Variants in ZBTB7C observed in about 807,000 individuals in gnomAD.
ZBTB7C encodes zinc finger and BTB domain containing 7C.
Under a neutral mutation model 25.7 loss-of-function variants are expected in ZBTB7C, and 8 were observed. The ratio of observed to expected loss-of-function variants is 0.31; its 90% CI spans 0.18 to 0.56. The LOEUF is 0.56. Ranked by LOEUF, ZBTB7C falls within the 20% of genes least tolerant of loss-of-function variation. The pLI is 0.91. For synonymous variants in ZBTB7C, 394 were observed against 369.0 expected (o/e 1.07, Z -0.78); for missense variants, 824 against 855.2 (o/e 0.96, Z 0.46).
intron 1 of ZBTB7C, among the ~76,000 whole-genome samples, chr18:48,371,902 T>C (rs1338532443): frequency 1.3e-5 from 2 of 152,162 alleles, no homozygotes; most frequent in African/African-American, 4.8e-5. Flanking sequence ...CGCCAGCTGA[T>C]CACTCACTCC....
intron 1 of ZBTB7C, among the ~76,000 whole-genome samples, chr18:48,385,913 G>A (rs1454325529): frequency 1.3e-5 from 2 of 152,056 alleles, no homozygotes; most frequent in South Asian, 2.1e-4. Context: ...ATTCCATGAC[G>A]GGGAGATTCT....
intron 3 of ZBTB7C, among the ~76,000 whole-genome samples, chr18:48,184,741 G>A (rs576772341): frequency 4.6e-5 from 7 of 152,134 alleles, no homozygotes; most frequent in African/African-American, 7.2e-5. Flanking sequence ...GTGACTGTCC[G>A]CCAGGAGCTC....
At chr18:48,352,140 C>T (rs552398146) in intron 1 of ZBTB7C, among the ~76,000 whole-genome samples, 93 of 152,326 alleles carry the variant, frequency 6.1e-4, no homozygotes, top group African/African-American at 2.2e-3. Flanking sequence ...ACCCCATCCT[C>T]GCACCTTTGA....
rs554489635 is a variant in ZBTB7C, at chr18:48,212,974, C to G, written c.-78-26979G>C. 1.3e-3 allele frequency among the ~76,000 whole-genome samples: 201 copies of G among 152,312 alleles called. 1 individual carries two copies. Among genetic ancestry groups the G allele is most frequent in the Admixed American group, 3.7e-3 (57 of 15,310 alleles). On this transcript the variant is annotated intron_variant, in intron 2 of 4. Coordinates refer to ENST00000590800, the MANE Select transcript of ZBTB7C (RefSeq NM_001318841.2). ...CCTCAAACCCAAGTGCAGCCACGTA[C>G]AAGGTCTGGCTTAGACCCACAAAGG...
At chr18:48,254,646 A>G (rs975387663) in intron 2 of ZBTB7C, among the ~76,000 whole-genome samples, 6 of 152,072 alleles carry the variant, frequency 3.9e-5, no homozygotes, top group Non-Finnish European at 8.8e-5. Flanking sequence ...AACCCCATGT[A>G]TTTACCCCAG....
At chr18:48,326,415 G>T (rs1406375925) in intron 2 of ZBTB7C, among the ~76,000 whole-genome samples, 2 of 152,118 alleles carry the variant, frequency 1.3e-5, no homozygotes, top group African/African-American at 4.8e-5. Flanking sequence ...TTCTAAAAAA[G>T]ATTTGGGGTG....
At chr18:48,369,304 AT>A (rs1401819769) in intron 1 of ZBTB7C, among the ~76,000 whole-genome samples, 2 of 152,148 alleles carry the variant, frequency 1.3e-5, no homozygotes. Context: ...AAACTAAAAA[AT>A]ATATACATAA....
intron 2 of ZBTB7C, among the ~76,000 whole-genome samples, chr18:48,322,374 A>T (rs530741197): frequency 1.3e-5 from 2 of 152,230 alleles, no homozygotes; most frequent in East Asian, 3.9e-4. Context: ...CCCAGACCTC[A>T]CCACCAAATG....
intron 2 of ZBTB7C, among the ~76,000 whole-genome samples, chr18:48,286,686 T>C (rs1010631887): frequency 6.6e-6 from 1 of 152,226 alleles, no homozygotes; most frequent in Admixed American, 6.5e-5. Flanking sequence ...TTTTAAATTT[T>C]GGGCTTTGAA....
chr18:48,392,775 A>C (rs1216274755), intron 1 of ZBTB7C, among the ~76,000 whole-genome samples: 2 of 152,146 alleles, frequency 1.3e-5, no homozygotes, highest in Non-Finnish European at 2.9e-5. Flanking sequence ...GAAACCTATA[A>C]AGGAGAAAAA....
chr18:48,134,289 C>T (rs1178502199), intron 3 of ZBTB7C, among the ~76,000 whole-genome samples: 2 of 152,026 alleles, frequency 1.3e-5, no homozygotes, highest in East Asian at 3.9e-4. Context: ...CCTATTACAC[C>T]ATTCAGGATG....
chr18:48,057,271 A>G (rs973251390), intron 3 of ZBTB7C, among the ~76,000 whole-genome samples: 1 of 152,198 alleles, frequency 6.6e-6, no homozygotes, highest in African/African-American at 2.4e-5. Flanking sequence ...CACTACTGCC[A>G]TATGTTCAAC....
intron 2 of ZBTB7C, among the ~76,000 whole-genome samples, chr18:48,326,488 G>T (rs2046223230): frequency 6.6e-6 from 1 of 152,054 alleles, no homozygotes; most frequent in South Asian, 2.1e-4. Flanking sequence ...TCGGATTGTA[G>T]AATTGTTTTT....
At chr18:48,137,262 G>C in intron 3 of ZBTB7C, 1 of 985,486 alleles carries the variant, frequency 1.0e-6, no homozygotes, top group Non-Finnish European at 1.2e-6. Flanking sequence ...CGCAGGACAG[G>C]ACGATCTCAC....
intron 3 of ZBTB7C, chr18:48,137,201 C>A: frequency 1.0e-6 from 1 of 985,554 alleles, no homozygotes; most frequent in Non-Finnish European, 1.2e-6. Context: ...CCCCACCCTC[C>A]AACCAGAAGT....
intron 3 of ZBTB7C, among the ~76,000 whole-genome samples, chr18:48,064,790 T>C (rs1466812610): frequency 1.3e-5 from 2 of 151,874 alleles, no homozygotes; most frequent in Non-Finnish European, 2.9e-5. Context: ...AAGAAGGTGG[T>C]CCCAAGGCAG....
At chr18:48,081,957 T>C (rs3922387) in intron 3 of ZBTB7C, among the ~76,000 whole-genome samples, 18,213 of 137,176 alleles carry the variant, frequency 0.13, 1,113 homozygotes, top group African/African-American at 0.18. Context: ...TTAAAATATA[T>C]TGCAAAAATT....
rs192521493 is a variant in ZBTB7C at position 48,256,134 on chromosome 18, A to G, written c.-78-70139T>C. 2.0e-3 allele frequency among the ~76,000 whole-genome samples: 302 copies of G among 152,238 alleles called. 1 individual carries two copies. The highest frequency in any genetic ancestry group is 5.4e-3 in the African/African-American group (225 of 41,568). On this transcript the variant is annotated intron_variant, in intron 2 of 4. Transcript: ENST00000590800. ...AAAATTACTAAACTTTATTTTTAAA[A>G]AAAACTATAAACCCACAGTTCCAAG... is the stretch of plus-strand genomic sequence containing the variant.
In ZBTB7C at chr18:48,160,941, T is replaced by TG. The variant is rs537824340; in HGVS notation, c.-17+24992_-17+24993insC. ...ATTCCACCATTTGAGACAAGTTTTTTTTTTTTTTTTTTCCAGTGCCGGGGG... is the reference window on the plus strand; with the variant it reads ...ATTCCACCATTTGAGACAAGTTTTTTGTTTTTTTTTTTTCCAGTGCCGGGGG... On this transcript the variant is annotated intron_variant, in intron 3 of 4. Coordinates refer to ENST00000590800, the MANE Select transcript of ZBTB7C (RefSeq NM_001318841.2). 3.5e-3 allele frequency among the ~76,000 whole-genome samples: 495 copies of TG among 142,844 alleles called. 1 individual carries two copies. Among genetic ancestry groups the TG allele is most frequent in the Middle Eastern group, 7.1e-3 (2 of 282 alleles). 93.7% of individuals were successfully genotyped at this position (142,844 alleles called of 152,430 possible). A position where few individuals can be genotyped will look rare whatever the true frequency, so the allele number is the denominator to read the frequency against.
Sources: gnomAD v4.1 joint callset for allele counts (sites outside exome capture counted in the v4.1 genomes callset) on GRCh38, gnomAD v4.1.1 for gene constraint, MANE v1.5 for transcripts, NCBI Gene and HGNC (gene_info 2026-07-23, HGNC 2026-07-21) for gene names.